The following TTLL9 variants were observed in gnomAD, a reference collection of about 807,000 sequenced individuals.
TTLL9 encodes probable tubulin polyglutamylase TTLL9.
A neutral mutation model predicts 65.6 loss-of-function variants in TTLL9; 47 were observed. That is an observed-to-expected ratio of 0.72 (90% CI 0.57 to 0.91). The LOEUF is 0.91. Among genes scored for constraint, TTLL9 ranks in the 40% least tolerant of loss-of-function variants. The pLI, the probability that TTLL9 is intolerant of heterozygous loss-of-function variation, is 0.00. For missense variants in TTLL9, 537 were observed against 568.8 expected, an observed-to-expected ratio of 0.94 and a Z score of 0.57; for synonymous variants, 179 against 204.8, an observed-to-expected ratio of 0.87 and a Z score of 1.07.
chr20:31,871,282 T>C (rs2062927501), intron 2 of TTLL9, 87 bp downstream of exon 2: 18 of 1,456,084 alleles, frequency 1.2e-5, no homozygotes, highest in Non-Finnish European at 1.7e-5. Flanking sequence ...GTCAGGGTCC[T>C]GGAAGGGGTC....
intron 6 of TTLL9, among the ~76,000 whole-genome samples, chr20:31,912,007 C>T (rs1328830880): frequency 1.3e-5 from 2 of 152,000 alleles, no homozygotes; most frequent in Non-Finnish European, 1.5e-5. Context: ...GCAGGTCACT[C>T]GACCCCCTTA....
intron 14 of TTLL9, chr20:31,939,998 T>C (rs2064177867): frequency 6.6e-6 from 1 of 152,266 alleles, no homozygotes; most frequent in African/African-American, 2.4e-5. Context: ...CAATTTCTTA[T>C]AATTGGACAT....
chr20:31,925,626 A>G (rs1184987185), intron 9 of TTLL9, among the ~76,000 whole-genome samples: 1 of 152,122 alleles, frequency 6.6e-6, no homozygotes, highest in Non-Finnish European at 1.5e-5. Context: ...TGTCCAAGAC[A>G]GACTCCACCC....
At chr20:31,897,678 C>T (rs182152203) in intron 3 of TTLL9, among the ~76,000 whole-genome samples, 1 of 152,228 alleles carries the variant, frequency 6.6e-6, no homozygotes, top group African/African-American at 2.4e-5. Flanking sequence ...GGATGAAAGC[C>T]TGGCTCTGTC....
intron 3 of TTLL9, 67 bp downstream of exon 3, chr20:31,887,306 A>G: frequency 2.0e-6 from 3 of 1,513,866 alleles, no homozygotes; most frequent in South Asian, 1.1e-5. Flanking sequence ...CCCCTTTTCA[A>G]TCCCTCTCTC....
intron 3 of TTLL9, among the ~76,000 whole-genome samples, chr20:31,890,060 C>T (rs1477162306): frequency 7.6e-5 from 8 of 105,738 alleles, no homozygotes; most frequent in African/African-American, 1.7e-4. Context: ...CTTTCTTTCT[C>T]TTTCTTTCTT....
At chr20:31,927,121 A>G (rs918583122) in intron 10 of TTLL9, among the ~76,000 whole-genome samples, 8 of 151,732 alleles carry the variant, frequency 5.3e-5, no homozygotes, top group Non-Finnish European at 1.2e-4. Flanking sequence ...TGTCAAAAAA[A>G]AAAAAAATCT....
chr20:31,874,571 G>A (rs538242476), intron 2 of TTLL9, among the ~76,000 whole-genome samples: 2 of 152,128 alleles, frequency 1.3e-5, no homozygotes, highest in South Asian at 2.1e-4. Context: ...ACCCATGCCT[G>A]GCTAATTTTT....
chr20:31,879,972 C>T, intron 2 of TTLL9: 1 of 929,990 alleles, frequency 1.1e-6, no homozygotes, highest in Non-Finnish European at 1.4e-6. Context: ...GATTCAAAAT[C>T]GGTTGGGGAT....
intron 2 of TTLL9, among the ~76,000 whole-genome samples, chr20:31,872,714 C>T (rs186614267): frequency 1.9e-3 from 296 of 151,904 alleles, no homozygotes; most frequent in African/African-American, 6.9e-3. Flanking sequence ...ATAACACACA[C>T]GAAAAAGAAA....
chr20:31,920,414 T>C (rs1193426628), intron 7 of TTLL9, among the ~76,000 whole-genome samples: 2 of 152,054 alleles, frequency 1.3e-5, no homozygotes, highest in African/African-American at 4.8e-5. Context: ...CCCCAATCCA[T>C]TCTTGTCCCA....
Position 31,937,397 on chromosome 20 carries a change from TGGCTCCTGGA to T in TTLL9, c.1009_1018del (p.Leu337SerfsTer7). 1 of 1,612,304 alleles carries T rather than the reference TGGCTCCTGGA, an allele frequency of 6.2e-7. No individual in the cohort carries two copies. Among genetic ancestry groups the T allele is most frequent in the South Asian group, 1.1e-5 (1 of 91,050 alleles). The stretch of plus-strand genomic sequence containing the variant: ...CTCTCTACTCCCCTCCCTTCCCAGG[TGGCTCCTGGA>T]GGTCAATGCGTCCCCATCACTGACA... On this transcript the variant is annotated frameshift_variant and splice_region_variant, in exon 13 of 15. Transcript: ENST00000535842. LOFTEE classifies it high-confidence loss of function.
At chr20:31,890,146 C>CTTTCTTTCTTTCTTTTCT (rs1568753458) in intron 3 of TTLL9, among the ~76,000 whole-genome samples, 6 of 18,954 alleles carry the variant, frequency 3.2e-4, no homozygotes, top group African/African-American at 2.1e-3. Flanking sequence ...TCCTTCCTTC[C>CTTTCTTTCTTTCTTTTCT]TTCCTTCCTT....
chr20:31,933,895 C>A, intron 11 of TTLL9, 37 bp downstream of exon 11: 1 of 1,596,236 alleles, frequency 6.3e-7, no homozygotes, highest in Non-Finnish European at 8.5e-7. Flanking sequence ...CGGGTACAGC[C>A]CTCTGGCGCC....
At chr20:31,896,657 G>A (rs1171384991) in intron 3 of TTLL9, among the ~76,000 whole-genome samples, 1 of 152,062 alleles carries the variant, frequency 6.6e-6, no homozygotes, top group Non-Finnish European at 1.5e-5. Flanking sequence ...AGCCTCCTGA[G>A]TAGCTGGGAC....
chr20:31,943,331 C>G lies in TTLL9; in HGVS notation c.*310C>G. The stretch of plus-strand genomic sequence containing the variant: ...GCAAGTTCTGCTACCCCCAGGAGAT[C>G]ATATCTAATAAATGAGCACAGGCCC... On this transcript the variant is annotated 3_prime_UTR_variant, in exon 15 of 15. Coordinates refer to ENST00000535842, the MANE Select transcript of TTLL9 (RefSeq NM_001008409.5). The G allele has an allele frequency of 2.3e-6, 1 of 429,732 alleles. No homozygotes were observed. Among genetic ancestry groups the G allele is most frequent in the Non-Finnish European group, 4.4e-6 (1 of 229,664 alleles). The allele number at this position is 429,732 out of a possible 1,614,324, so 26.6% of individuals were successfully genotyped here.
At chr20:31,877,061 T>A (rs2063047097) in intron 2 of TTLL9, among the ~76,000 whole-genome samples, 1 of 152,166 alleles carries the variant, frequency 6.6e-6, no homozygotes, top group South Asian at 2.1e-4. Flanking sequence ...TTTGTAGGGG[T>A]GAGGGTGGGG....
At chr20:31,923,800 G>T (rs1242714856) in intron 8 of TTLL9, among the ~76,000 whole-genome samples, 1 of 151,948 alleles carries the variant, frequency 6.6e-6, no homozygotes, top group Non-Finnish European at 1.5e-5. Flanking sequence ...TCCCCAGGGG[G>T]CAGCCCCTGG....
intron 2 of TTLL9, among the ~76,000 whole-genome samples, chr20:31,883,788 A>T (rs2063151139): frequency 6.6e-6 from 1 of 152,120 alleles, no homozygotes; most frequent in South Asian, 2.1e-4. Flanking sequence ...TAGGAAATTT[A>T]CTCAATATAG....
Sources: gnomAD v4.1 joint callset for allele counts (sites outside exome capture counted in the v4.1 genomes callset) on GRCh38, gnomAD v4.1.1 for gene constraint, MANE v1.5 for transcripts, NCBI Gene and HGNC (gene_info 2026-07-23, HGNC 2026-07-21) for gene names.